TNR: variants seen among roughly 807,000 people sequenced by gnomAD.
TNR encodes the protein tenascin-R.
TNR carries 45 observed loss-of-function variants against 150.4 expected under a neutral mutation model. The observed-to-expected ratio is 0.30, with a 90% CI of 0.24 to 0.38. The LOEUF (loss-of-function observed/expected upper bound fraction) is 0.38, where lower values mean the gene tolerates loss of function less well. TNR is among the 10% of genes least tolerant of loss of function. The pLI is 1.00. For synonymous variants in TNR, 687 were observed against 678.4 expected (o/e 1.01, Z -0.20); for missense variants, 1,544 against 1,759.1 (o/e 0.88, Z 2.19).
intron 1 of TNR, among the ~76,000 whole-genome samples, chr1:175,717,833 C>A (rs2101941475): frequency 6.6e-6 from 1 of 152,284 alleles, no homozygotes; most frequent in South Asian, 2.1e-4. Flanking sequence ...AGGGTGTCCT[C>A]ATGGGTGAGC....
At chr1:175,569,152 A>C (rs1661763674) in intron 1 of TNR, among the ~76,000 whole-genome samples, 1 of 152,182 alleles carries the variant, frequency 6.6e-6, no homozygotes, top group Non-Finnish European at 1.5e-5. Context: ...AGGGCTAGGA[A>C]GAAAGTTGCA....
chr1:175,457,498 G>T (rs902257053), intron 2 of TNR, among the ~76,000 whole-genome samples: 1 of 152,322 alleles, frequency 6.6e-6, no homozygotes, highest in Non-Finnish European at 1.5e-5. Context: ...CTTACTCCTA[G>T]ATAAGATGCT....
At chr1:175,622,768 G>T (rs191020793) in intron 1 of TNR, among the ~76,000 whole-genome samples, 56 of 152,306 alleles carry the variant, frequency 3.7e-4, no homozygotes, top group Middle Eastern at 3.4e-3. Context: ...TATTAGCAGG[G>T]CTATGATGCC....
Position 175,359,139 on chromosome 1 carries a change from CTTTTTTTTTTT to C in TNR, c.2974+462_2974+472del, listed in dbSNP as rs758610631. ...AGTTTGCAGAGTTTGGGGATATCTT[CTTTTTTTTTTT>C]TTTTTTTTTTTTTTAGATGGAGTCT... On this transcript the variant is annotated intron_variant, in intron 15 of 22. Transcript: ENST00000367674. Among the ~76,000 whole-genome samples the C allele has an allele frequency of 9.3e-3, 393 of 42,156 alleles. 12 individuals are homozygous for C. The highest frequency in any genetic ancestry group is 0.021 in the Admixed American group (54 of 2,520). The allele number at this position is 42,156 out of a possible 152,430, so 27.7% of individuals were successfully genotyped here.
At chr1:175,533,636 T>C (rs1306423554) in intron 1 of TNR, among the ~76,000 whole-genome samples, 2 of 152,210 alleles carry the variant, frequency 1.3e-5, no homozygotes, top group African/African-American at 4.8e-5. Flanking sequence ...GTCTGGAATA[T>C]CTGACAGACA....
At chr1:175,457,754 T>C (rs768894974) in intron 2 of TNR, among the ~76,000 whole-genome samples, 24 of 152,234 alleles carry the variant, frequency 1.6e-4, no homozygotes, top group Non-Finnish European at 3.1e-4. Flanking sequence ...AATATTACAT[T>C]CAATAGCTAT....
chr1:175,661,993 C>A (rs1309470233), intron 1 of TNR, among the ~76,000 whole-genome samples: 1 of 152,072 alleles, frequency 6.6e-6, no homozygotes, highest in Non-Finnish European at 1.5e-5. Context: ...CATCCCCAGC[C>A]CCTGACACTA....
chr1:175,542,386 A>G (rs1195636006), intron 1 of TNR, among the ~76,000 whole-genome samples: 2 of 152,178 alleles, frequency 1.3e-5, no homozygotes, highest in African/African-American at 4.8e-5. Flanking sequence ...GCCAGTCCCC[A>G]TGTCTCATCA....
chr1:175,460,002 CA>C (rs1656745892), intron 2 of TNR, among the ~76,000 whole-genome samples: 1 of 152,094 alleles, frequency 6.6e-6, no homozygotes, highest in Admixed American at 6.6e-5. Context: ...TGAGTTTTGA[CA>C]TATATTCTCT....
chr1:175,608,401 A>T (rs1445148631), intron 1 of TNR, among the ~76,000 whole-genome samples: 1 of 152,244 alleles, frequency 6.6e-6, no homozygotes, highest in Non-Finnish European at 1.5e-5. Flanking sequence ...TGGACAGATT[A>T]AAGAAGTAAA....
At chr1:175,598,502 T>C (rs183472282) in intron 1 of TNR, among the ~76,000 whole-genome samples, 2 of 152,366 alleles carry the variant, frequency 1.3e-5, no homozygotes, top group East Asian at 3.9e-4. Context: ...TCAGCAAGCA[T>C]GTTTTAGTTA....
At chr1:175,398,343 T>TA (rs1469552206) in intron 4 of TNR, among the ~76,000 whole-genome samples, 2 of 152,090 alleles carry the variant, frequency 1.3e-5, no homozygotes, top group Admixed American at 6.5e-5. Context: ...AAACAAAAAT[T>TA]AAAAAAAATT....
At chr1:175,679,027 T>C (rs1665950623) in intron 1 of TNR, among the ~76,000 whole-genome samples, 2 of 152,210 alleles carry the variant, frequency 1.3e-5, no homozygotes, top group African/African-American at 2.4e-5. Flanking sequence ...GTGGGCACAG[T>C]TCTGCCAGAA....
intron 1 of TNR, among the ~76,000 whole-genome samples, chr1:175,610,646 TA>T (rs1336819598): frequency 6.6e-6 from 1 of 152,208 alleles, no homozygotes. Flanking sequence ...CTCCTCCCTA[TA>T]AAGGAAAGTT....
At chr1:175,614,809 T>G (rs998628951) in intron 1 of TNR, among the ~76,000 whole-genome samples, 4 of 152,230 alleles carry the variant, frequency 2.6e-5, no homozygotes, top group African/African-American at 7.2e-5. Flanking sequence ...TCCTGACCTG[T>G]ATGAGCACAC....
At chr1:175,651,552 A>ATAT (rs1240007181) in intron 1 of TNR, among the ~76,000 whole-genome samples, 5 of 152,002 alleles carry the variant, frequency 3.3e-5, no homozygotes, top group African/African-American at 1.2e-4. Context: ...TATATAAAAT[A>ATAT]TATTATTATT....
chr1:175,616,854 T>C (rs1161825015), intron 1 of TNR, among the ~76,000 whole-genome samples: 3 of 152,198 alleles, frequency 2.0e-5, no homozygotes, highest in Non-Finnish European at 4.4e-5. Flanking sequence ...ACTCCCTGTG[T>C]GGCTGTAGGA....
chr1:175,399,439 A>T (rs1653594802), intron 4 of TNR, among the ~76,000 whole-genome samples: 2 of 152,232 alleles, frequency 1.3e-5, no homozygotes, highest in Admixed American at 1.3e-4. Flanking sequence ...AATCTTGGCA[A>T]CTTAGCTTGA....
At chr1:175,488,422 C>A (rs760913682) in intron 2 of TNR, among the ~76,000 whole-genome samples, 1 of 152,096 alleles carries the variant, frequency 6.6e-6, no homozygotes, top group Non-Finnish European at 1.5e-5. Flanking sequence ...GGAAGAGAGG[C>A]TGGGAGCCAG....
Sources: gnomAD v4.1 joint callset for allele counts (sites outside exome capture counted in the v4.1 genomes callset) on GRCh38, gnomAD v4.1.1 for gene constraint, MANE v1.5 for transcripts, NCBI Gene and HGNC (gene_info 2026-07-23, HGNC 2026-07-21) for gene names.